Variants in KHDRBS2 observed in about 807,000 individuals in gnomAD.
The protein encoded by KHDRBS2 is KH domain-containing, RNA-binding, signal transduction-associated protein 2.
A neutral mutation model predicts 44.3 loss-of-function variants in KHDRBS2; 26 were observed. That is an observed-to-expected ratio of 0.59 (90% CI 0.43 to 0.81). KHDRBS2 has a LOEUF of 0.81. Ranked by LOEUF, KHDRBS2 falls within the 40% of genes least tolerant of loss-of-function variation. The pLI, the probability that KHDRBS2 is intolerant of heterozygous loss-of-function variation, is 0.00. For synonymous variants in KHDRBS2, 194 were observed against 151.1 expected, an observed-to-expected ratio of 1.28 and a Z score of -2.08; for missense variants, 476 against 433.1, an observed-to-expected ratio of 1.10 and a Z score of -0.88.
chr6:62,227,194 T>G (rs1001479363), intron 1 of KHDRBS2, among the ~76,000 whole-genome samples: 2 of 152,188 alleles, frequency 1.3e-5, no homozygotes, highest in African/African-American at 4.8e-5. Context: ...CTCTCTTATT[T>G]CCTTGAGAAG....
At chr6:61,658,230 C>A in the KHDRBS2 span, among the ~76,000 whole-genome samples, 5 of 151,648 alleles carry the variant, frequency 3.3e-5, no homozygotes, top group African/African-American at 1.2e-4. Flanking sequence ...AGCTTTCAAA[C>A]CTGATTTTCA....
At chr6:61,869,371 A>G (rs1179622021) in intron 6 of KHDRBS2, among the ~76,000 whole-genome samples, 1 of 152,230 alleles carries the variant, frequency 6.6e-6, no homozygotes, top group Admixed American at 6.5e-5. Context: ...ATGACATATA[A>G]TTATATAACC....
intron 1 of KHDRBS2, among the ~76,000 whole-genome samples, chr6:62,279,381 T>C (rs555488918): frequency 6.6e-6 from 1 of 152,322 alleles, no homozygotes; most frequent in East Asian, 1.9e-4. Context: ...TGAAAAATTG[T>C]TTCTGGAGAT....
chr6:62,001,955 T>A (rs1276526575), intron 3 of KHDRBS2, among the ~76,000 whole-genome samples: 1 of 152,124 alleles, frequency 6.6e-6, no homozygotes, highest in African/African-American at 2.4e-5. Context: ...GCAAGTGAAC[T>A]TGCAAAGTAG....
intron 2 of KHDRBS2, among the ~76,000 whole-genome samples, chr6:62,159,864 C>T (rs1817263394): frequency 1.3e-5 from 2 of 152,086 alleles, no homozygotes; most frequent in African/African-American, 4.8e-5. Context: ...TCTTCATCCT[C>T]ATTGTCTTCA....
At chr6:61,646,309 C>T in the KHDRBS2 span, among the ~76,000 whole-genome samples, 1 of 152,098 alleles carries the variant, frequency 6.6e-6, no homozygotes, top group Admixed American at 6.6e-5. Context: ...CACTGAGCTC[C>T]CAGAGTAACA....
chr6:62,085,873 G>T (rs543844055), intron 2 of KHDRBS2, among the ~76,000 whole-genome samples: 2 of 152,190 alleles, frequency 1.3e-5, no homozygotes, highest in Middle Eastern at 6.8e-3. Context: ...CTTGAATAAA[G>T]TTAGGGTTAA....
chr6:62,071,942 T>C (rs1175136474), intron 2 of KHDRBS2, among the ~76,000 whole-genome samples: 3 of 152,178 alleles, frequency 2.0e-5, no homozygotes, highest in African/African-American at 7.2e-5. Flanking sequence ...AGTATGGCCA[T>C]TTTCATGATA....
At chr6:62,065,255 C>T (rs1211851153) in intron 2 of KHDRBS2, among the ~76,000 whole-genome samples, 1 of 152,152 alleles carries the variant, frequency 6.6e-6, no homozygotes, top group Non-Finnish European at 1.5e-5. Context: ...ACTACAAATA[C>T]CATTTGACCC....
intron 8 of KHDRBS2, among the ~76,000 whole-genome samples, chr6:61,684,810 A>T (rs1766648941): frequency 6.6e-6 from 1 of 151,736 alleles, no homozygotes; most frequent in Non-Finnish European, 1.5e-5. Flanking sequence ...TCAGGATATG[A>T]GAAACAGAAG....
intron 6 of KHDRBS2, among the ~76,000 whole-genome samples, chr6:61,881,137 C>T (rs1047611780): frequency 6.6e-5 from 10 of 151,970 alleles, no homozygotes; most frequent in Non-Finnish European, 1.2e-4. Context: ...AGCTTACTCC[C>T]TGTAATTTTA....
chr6:61,760,688 A>C (rs1179603626), intron 6 of KHDRBS2, among the ~76,000 whole-genome samples: 2 of 152,174 alleles, frequency 1.3e-5, no homozygotes, highest in Non-Finnish European at 2.9e-5. Context: ...ATGGAATAGA[A>C]AATTATACAT....
chr6:61,754,111 G>A (rs1291264157), intron 6 of KHDRBS2, among the ~76,000 whole-genome samples: 2 of 152,126 alleles, frequency 1.3e-5, no homozygotes, highest in Non-Finnish European at 1.5e-5. Context: ...ATAGATTTTT[G>A]TGGTTTTAAG....
chr6:61,973,434 T>C (rs1583887554), intron 4 of KHDRBS2, among the ~76,000 whole-genome samples: 1 of 152,276 alleles, frequency 6.6e-6, no homozygotes, highest in South Asian at 2.1e-4. Context: ...GCTTTTGCCA[T>C]AAAGAAGAAA....
chr6:62,246,906 T>C (rs1447553893), intron 1 of KHDRBS2, among the ~76,000 whole-genome samples: 7 of 151,986 alleles, frequency 4.6e-5, no homozygotes, highest in Non-Finnish European at 1.0e-4. Flanking sequence ...AGCAAATTAC[T>C]TTAAGTATTA....
chr6:62,173,996 G>A (rs1479755821), intron 2 of KHDRBS2, among the ~76,000 whole-genome samples: 1 of 151,728 alleles, frequency 6.6e-6, no homozygotes, highest in Non-Finnish European at 1.5e-5. Flanking sequence ...TTCAAAACCA[G>A]AACAGACAGT....
At chr6:62,032,586 A>G (rs186641753) in intron 3 of KHDRBS2, among the ~76,000 whole-genome samples, 83 of 151,256 alleles carry the variant, frequency 5.5e-4, no homozygotes, top group African/African-American at 1.9e-3. Context: ...TCTGTTCATC[A>G]AGAGAACCCT....
At position 61,786,164 on chromosome 6, in the gene KHDRBS2, T is replaced by C. The variant is rs539141743; in HGVS notation, c.811-53400A>G. On this transcript the variant is annotated intron_variant, in intron 6 of 8. Coordinates refer to ENST00000281156, the MANE Select transcript of KHDRBS2 (RefSeq NM_152688.4). The stretch of plus-strand genomic sequence containing the variant: ...TTAAATTGAACTTTTATTTAGTTTC[T>C]ATAATCCAATAATGAAAGAGGGAGA... Among the ~76,000 whole-genome samples, 25 of 152,146 alleles carry C rather than the reference T, an allele frequency of 1.6e-4. No individual in the cohort carries two copies. The South Asian group carries it at 4.6e-3, about 28-fold the overall frequency.
In KHDRBS2 at chr6:62,117,590, G is replaced by A. The variant is rs559180419; in HGVS notation, c.219+59595C>T. Among the ~76,000 whole-genome samples, 12 of 152,012 alleles carry A rather than the reference G, an allele frequency of 7.9e-5. No homozygotes were observed. In the East Asian group the frequency reaches 2.3e-3, roughly 29 times the overall value. On this transcript the variant is annotated intron_variant, in intron 2 of 8. Transcript: ENST00000281156. ...TTCTGTTGATTGTTTCCTTTGTTCT[G>A]CAGAAGCTCTTTAGCTTGATGTAAT...
Sources: allele counts gnomAD v4.1 joint callset (sites outside exome capture counted in the v4.1 genomes callset), GRCh38; gene constraint gnomAD v4.1.1; transcripts MANE v1.5; gene names NCBI Gene and HGNC (gene_info 2026-07-23, HGNC 2026-07-21).